RANBP10: variants seen among roughly 807,000 people sequenced by gnomAD.
The protein encoded by RANBP10 is ran-binding protein 10.
In RANBP10, 24 loss-of-function variants were observed where a neutral mutation model predicts 72.8. That is an observed-to-expected ratio of 0.33 (90% CI 0.24 to 0.46). The LOEUF is 0.46. RANBP10 is among the 20% of genes least tolerant of loss of function. The probability of loss-of-function intolerance (pLI) is 1.00; values close to 1 mark genes in which losing one functional copy is unlikely to be tolerated. For missense variants in RANBP10, 679 were observed against 817.5 expected (o/e 0.83, Z 2.07); for synonymous variants, 310 against 322.3 (o/e 0.96, Z 0.41).
At chr16:67,779,401 A>G (rs1424565104) in intron 2 of RANBP10, among the ~76,000 whole-genome samples, 1 of 143,784 alleles carries the variant, frequency 7.0e-6, no homozygotes, top group Non-Finnish European at 1.5e-5. Flanking sequence ...TGTCTCAAAG[A>G]AAAAAAAAAA....
chr16:67,738,554 G>T (rs578098678), intron 4 of RANBP10: 2 of 152,260 alleles, frequency 1.3e-5, no homozygotes, highest in African/African-American at 4.9e-5. Context: ...CCCGGTTCAC[G>T]CCATTCTCCT....
chr16:67,767,454 CAAAAAAAAAAAAAA>C (rs1178049394), intron 3 of RANBP10, among the ~76,000 whole-genome samples: 2 of 64,074 alleles, frequency 3.1e-5, no homozygotes, highest in Admixed American at 1.7e-4. Flanking sequence ...GACCCTGTTT[CAAAAAAAAAAAAAA>C]AAAAAAAAAA....
At chr16:67,751,201 A>G (rs533251516) in intron 3 of RANBP10, among the ~76,000 whole-genome samples, 2 of 152,338 alleles carry the variant, frequency 1.3e-5, no homozygotes, top group Middle Eastern at 3.4e-3. Context: ...TATTTGGGAG[A>G]TATTTTTGTC....
At chr16:67,735,963 G>T (rs1234462448) in intron 5 of RANBP10, among the ~76,000 whole-genome samples, 1 of 152,002 alleles carries the variant, frequency 6.6e-6, no homozygotes, top group African/African-American at 2.4e-5. Context: ...AGGGTGTGAG[G>T]CTCCCTGCTT....
At chr16:67,791,148 G>A (rs2055018784) in intron 2 of RANBP10, among the ~76,000 whole-genome samples, 1 of 151,884 alleles carries the variant, frequency 6.6e-6, no homozygotes, top group Non-Finnish European at 1.5e-5. Flanking sequence ...CAAGTAGCTG[G>A]GACTGTAGGC....
chr16:67,804,044 G>T (rs2055286306), intron 2 of RANBP10, among the ~76,000 whole-genome samples: 1 of 151,766 alleles, frequency 6.6e-6, no homozygotes, highest in South Asian at 2.1e-4. Flanking sequence ...AGTAGGCAAG[G>T]CTCTGACTCT....
At chr16:67,794,918 C>G (rs1431506190) in intron 2 of RANBP10, among the ~76,000 whole-genome samples, 2 of 145,062 alleles carry the variant, frequency 1.4e-5, no homozygotes, top group African/African-American at 2.6e-5. Flanking sequence ...AGAGTGAGAC[C>G]CTGCCTCAAA....
chr16:67,770,246 T>G lies in RANBP10; in HGVS notation c.400+1788A>C, dbSNP rs940961702. Among the ~76,000 whole-genome samples the G allele has an allele frequency of 1.2e-4, 18 of 152,186 alleles. 1 individual carries two copies. In the Middle Eastern group the frequency reaches 0.01, roughly 86 times the overall value. On this transcript the variant is annotated intron_variant, in intron 3 of 13. Coordinates refer to ENST00000317506, the MANE Select transcript of RANBP10 (RefSeq NM_020850.3). ...TACAGATACTACAGCTACAACTACT[T>G]AGCCAAGGCCAGATGCTCATATAAC...
chr16:67,802,358 C>A (rs2055249833), intron 2 of RANBP10, among the ~76,000 whole-genome samples: 2 of 152,208 alleles, frequency 1.3e-5, no homozygotes, highest in African/African-American at 4.8e-5. Context: ...TGTTTCCTTG[C>A]TGGGCACCAT....
chr16:67,740,332 C>T (rs1253567242), intron 4 of RANBP10, among the ~76,000 whole-genome samples: 1 of 152,028 alleles, frequency 6.6e-6, no homozygotes, highest in Non-Finnish European at 1.5e-5. Flanking sequence ...TCTCGATCTC[C>T]TGACCTCATG....
chr16:67,773,110 TGGAGG>T (rs1346625512), intron 2 of RANBP10, among the ~76,000 whole-genome samples: 1 of 152,212 alleles, frequency 6.6e-6, no homozygotes, highest in Non-Finnish European at 1.5e-5. Context: ...TACCCAATGC[TGGAGG>T]TGGGGCCTGG....
intron 3 of RANBP10, among the ~76,000 whole-genome samples, chr16:67,771,767 C>T (rs1172744948): frequency 1.3e-5 from 2 of 152,220 alleles, no homozygotes; most frequent in Non-Finnish European, 2.9e-5. Context: ...ACGCGTATCC[C>T]TACCTGGAGC....
At chr16:67,776,863 T>C (rs2054716114) in intron 2 of RANBP10, among the ~76,000 whole-genome samples, 1 of 151,640 alleles carries the variant, frequency 6.6e-6, no homozygotes, top group Non-Finnish European at 1.5e-5. Flanking sequence ...ACACTTATAA[T>C]GAACAATCAA....
rs2053554957 is a variant in RANBP10, at chr16:67,723,074, C to G, written c.*3354G>C. 1 of 152,354 alleles carries G rather than the reference C, an allele frequency of 6.6e-6. No homozygotes were observed. The highest frequency in any genetic ancestry group is 2.4e-5 in the African/African-American group (1 of 41,402). The allele number at this position is 152,354 out of a possible 1,614,324, so 9.4% of individuals were successfully genotyped here. ...CAGAGACCAGACACACATGACTGCT[C>G]ATGGATGTGTATTTTAATAAAAATA... On this transcript the variant is annotated 3_prime_UTR_variant, in exon 14 of 14. Coordinates refer to ENST00000317506, the MANE Select transcript of RANBP10 (RefSeq NM_020850.3).
Position 67,772,025 on chromosome 16 carries a change from G to A in RANBP10, c.400+9C>T. 1 of 1,602,484 alleles carries A rather than the reference G, an allele frequency of 6.2e-7. No homozygotes were observed. Among genetic ancestry groups the A allele is most frequent in the Non-Finnish European group, 8.5e-7 (1 of 1,175,162 alleles). Reference sequence around the variant, plus strand: ...AGCAGAACAAATGTTCTCTTAAACAGTGACTCACCAGGAAGTCTGTTCATG... The same window carrying A: ...AGCAGAACAAATGTTCTCTTAAACAATGACTCACCAGGAAGTCTGTTCATG... On this transcript the variant is annotated intron_variant, in intron 3 of 13. Coordinates refer to ENST00000317506, the MANE Select transcript of RANBP10 (RefSeq NM_020850.3).
At chr16:67,786,407 A>T (rs965289595) in intron 2 of RANBP10, among the ~76,000 whole-genome samples, 7 of 152,204 alleles carry the variant, frequency 4.6e-5, no homozygotes, top group Non-Finnish European at 5.9e-5. Flanking sequence ...TGCAAATCAT[A>T]GATCTGATAA....
chr16:67,736,825 G>C (rs1468187171), intron 5 of RANBP10, among the ~76,000 whole-genome samples: 3 of 152,218 alleles, frequency 2.0e-5, no homozygotes, highest in Non-Finnish European at 4.4e-5. Context: ...AGGATTCTGA[G>C]CCATGGACTG....
chr16:67,806,236 G>C (rs967357152), intron 1 of RANBP10, 66 bp downstream of exon 1: 1 of 1,429,730 alleles, frequency 7.0e-7, no homozygotes, highest in Non-Finnish European at 9.5e-7. Context: ...TAGGGCGGGG[G>C]CCTGGCAGCA....
At chr16:67,734,759 G>T in intron 6 of RANBP10, 99 bp downstream of exon 6, 1 of 1,241,976 alleles carries the variant, frequency 8.1e-7, no homozygotes, top group Non-Finnish European at 1.1e-6. Context: ...GGATCCACCC[G>T]CTGGAATTTG....
Sources: gnomAD v4.1 joint callset for allele counts (sites outside exome capture counted in the v4.1 genomes callset) on GRCh38, gnomAD v4.1.1 for gene constraint, MANE v1.5 for transcripts, NCBI Gene and HGNC (gene_info 2026-07-23, HGNC 2026-07-21) for gene names.